FAIM2: variants seen among roughly 807,000 people sequenced by gnomAD.
FAIM2 encodes protein lifeguard 2.
FAIM2 carries 27 observed loss-of-function variants against 47.4 expected under a neutral mutation model. The ratio of observed to expected loss-of-function variants is 0.57; its 90% CI spans 0.42 to 0.78. The LOEUF (loss-of-function observed/expected upper bound fraction) is 0.78, where lower values mean the gene tolerates loss of function less well. Ranked by LOEUF, FAIM2 falls within the 30% of genes least tolerant of loss-of-function variation. The pLI, the probability that FAIM2 is intolerant of heterozygous loss-of-function variation, is 0.00. For missense variants in FAIM2, 311 were observed against 389.4 expected, an observed-to-expected ratio of 0.80 and a Z score of 1.69; for synonymous variants, 156 against 159.3, an observed-to-expected ratio of 0.98 and a Z score of 0.16.
At chr12:49,875,417 G>C (rs1429371994) in intron 11 of FAIM2, among the ~76,000 whole-genome samples, 1 of 152,164 alleles carries the variant, frequency 6.6e-6, no homozygotes, top group Non-Finnish European at 1.5e-5. Context: ...CGACTGGGCT[G>C]CAGGAGAGGG....
In FAIM2 at chr12:49,878,398, C is replaced by CA. The variant is rs1565613186; in HGVS notation, c.802-7746_802-7745insT. Among the ~76,000 whole-genome samples, 11 of 24,778 alleles carry CA rather than the reference C, an allele frequency of 4.4e-4. 3 individuals are homozygous for CA. The South Asian group carries it at 8.8e-3, about 20-fold the overall frequency. 16.3% of individuals were successfully genotyped at this position (24,778 alleles called of 152,430 possible). On this transcript the variant is annotated intron_variant, in intron 11 of 11. Transcript: ENST00000320634. ...TGTGCATGTGTGTATATGTGTGTGT[C>CA]TGTGTGCATGTGAGTGTATGTGTGT...
chr12:49,900,270 G>T, intron 2 of FAIM2: 2 of 1,233,854 alleles, frequency 1.6e-6, no homozygotes, highest in Non-Finnish European at 2.1e-6. Context: ...CAGAGGCTCT[G>T]TCTGGGGCAT....
In FAIM2 at chr12:49,890,156, T is replaced by C; in HGVS notation, c.526-2A>G. On this transcript the variant is annotated splice_acceptor_variant, in intron 7 of 11. Coordinates refer to ENST00000320634, the MANE Select transcript of FAIM2 (RefSeq NM_012306.4). LOFTEE classifies it high-confidence loss of function. Reference sequence around the variant, plus strand: ...AGTGAGGTAGGCCATGGACAGGGTCTGAAAGGAGAAGCAGGGTAAAGGAAT... The same window carrying C: ...AGTGAGGTAGGCCATGGACAGGGTCCGAAAGGAGAAGCAGGGTAAAGGAAT... 6.2e-7 allele frequency: 1 copy of C among 1,614,038 alleles called. No homozygotes were observed. The highest frequency in any genetic ancestry group is 8.5e-7 in the Non-Finnish European group (1 of 1,179,914).
In FAIM2 at chr12:49,903,693, T is replaced by G. The variant is rs1002633520; in HGVS notation, c.15+85A>C. The G allele has an allele frequency of 4.0e-6, 6 of 1,513,782 alleles. No homozygotes were observed. In the African/African-American group the frequency reaches 8.3e-5, roughly 21 times the overall value. The allele number at this position is 1,513,782 out of a possible 1,614,324, so 93.8% of individuals were successfully genotyped here. A position where few individuals can be genotyped will look rare whatever the true frequency, so the allele number is the denominator to read the frequency against. ...AAACTAGGGCCAGGGGAGGATGCTT[T>G]CGTGGTCCAGAGGGCTTGCTGAGGA... On this transcript the variant is annotated intron_variant, in intron 1 of 11. Transcript: ENST00000320634.
intron 9 of FAIM2, 128 bp downstream of exon 9, chr12:49,889,353 C>G (rs1946883430): frequency 1.9e-6 from 2 of 1,030,064 alleles, no homozygotes; most frequent in South Asian, 2.8e-5. Context: ...GGTGGCTTCC[C>G]CAAACCCAAC....
chr12:49,892,626 C>T (rs1946908256), intron 5 of FAIM2, among the ~76,000 whole-genome samples: 1 of 152,150 alleles, frequency 6.6e-6, no homozygotes, highest in South Asian at 2.1e-4. Flanking sequence ...CTACCTCCCT[C>T]ACCACTCCTC....
chr12:49,884,168 G>A (rs543668886), intron 11 of FAIM2, among the ~76,000 whole-genome samples: 53 of 151,868 alleles, frequency 3.5e-4, no homozygotes, highest in Non-Finnish European at 6.6e-4. Flanking sequence ...AGGTTGCAGT[G>A]AGTGGAAATC....
At chr12:49,886,311 G>C (rs1946860711) in intron 11 of FAIM2, among the ~76,000 whole-genome samples, 1 of 152,104 alleles carries the variant, frequency 6.6e-6, no homozygotes, top group Admixed American at 6.6e-5. Flanking sequence ...TTGCCTCCTG[G>C]GCATCTGCTT....
chr12:49,870,400 G>A lies in FAIM2; in HGVS notation c.*104C>T, dbSNP rs1946693419. On this transcript the variant is annotated 3_prime_UTR_variant, in exon 12 of 12. Coordinates refer to ENST00000320634, the MANE Select transcript of FAIM2 (RefSeq NM_012306.4). The stretch of plus-strand genomic sequence containing the variant: ...GTAGACAGTGACCTGGCCACAGGCT[G>A]GGTTGGCAGCTAGTTTTATATCTGG... 1 of 1,090,908 alleles carries A rather than the reference G, an allele frequency of 9.2e-7. No homozygotes were observed. The highest frequency in any genetic ancestry group is 1.4e-5 in the South Asian group (1 of 69,764). The allele number at this position is 1,090,908 out of a possible 1,614,324, so 67.6% of individuals were successfully genotyped here.
At chr12:49,878,586 A>T (rs545248214) in intron 11 of FAIM2, among the ~76,000 whole-genome samples, 1 of 98,450 alleles carries the variant, frequency 1.0e-5, no homozygotes, top group Admixed American at 1.2e-4. Flanking sequence ...GTATATGTAC[A>T]TGTGTATGTG....
At position 49,874,853 on chromosome 12, in the gene FAIM2, G is replaced by A. The variant is rs997893280; in HGVS notation, c.802-4200C>T. 2.4e-4 allele frequency among the ~76,000 whole-genome samples: 36 copies of A among 152,184 alleles called. No individual in the cohort carries two copies. The highest frequency in any genetic ancestry group is 8.2e-4 in the African/African-American group (34 of 41,424). On this transcript the variant is annotated intron_variant, in intron 11 of 11. Coordinates refer to ENST00000320634, the MANE Select transcript of FAIM2 (RefSeq NM_012306.4). The surrounding 1 kb of genome is among the most constrained non-coding windows in gnomAD (Gnocchi z 4.2). ...GAAACAACCCAAACTCTACCAACAC[G>A]GGGGTGGTTAAATAAACTCTGGGCA...
At chr12:49,871,664 CTTTTCT>C (rs1254735903) in intron 11 of FAIM2, among the ~76,000 whole-genome samples, 4 of 142,646 alleles carry the variant, frequency 2.8e-5, no homozygotes, top group African/African-American at 1.1e-4. Context: ...CTTTTCTTTT[CTTTTCT>C]TTTTTTTTTT....
chr12:49,887,193 C>T (rs1020187148), intron 11 of FAIM2, among the ~76,000 whole-genome samples, 193 bp downstream of exon 11: 45 of 152,120 alleles, frequency 3.0e-4, no homozygotes, highest in Admixed American at 2.3e-3. Flanking sequence ...CCAGGTCAGC[C>T]GGTCTGTCCT....
chr12:49,884,164 C>T (rs987890954), intron 11 of FAIM2, among the ~76,000 whole-genome samples: 6 of 151,618 alleles, frequency 4.0e-5, no homozygotes, highest in Admixed American at 2.0e-4. Context: ...GCAGAGGTTG[C>T]AGTGAGTGGA....
rs912558617 is a variant in FAIM2, at chr12:49,876,529, C to T, written c.802-5876G>A. ...CTGTAATCCCAGCACTTTGGGAGGC[C>T]GAGGCGGGCGGATCACCATGTCAGG... On this transcript the variant is annotated intron_variant, in intron 11 of 11. Transcript: ENST00000320634. 3.3e-5 allele frequency among the ~76,000 whole-genome samples: 5 copies of T among 152,012 alleles called. No homozygotes were observed. In the East Asian group the frequency reaches 5.8e-4, roughly 18 times the overall value.
At chr12:49,880,322 GTGTGTC>G (rs1395510142) in intron 11 of FAIM2, among the ~76,000 whole-genome samples, 3 of 109,624 alleles carry the variant, frequency 2.7e-5, no homozygotes, top group African/African-American at 1.3e-4. Flanking sequence ...GTATGTGTAT[GTGTGTC>G]TGTGTGCATG....
At chr12:49,879,452 G>A (rs544457239) in intron 11 of FAIM2, among the ~76,000 whole-genome samples, 3,091 of 150,818 alleles carry the variant, frequency 0.02, 51 homozygotes, top group Middle Eastern at 0.035. Flanking sequence ...ATATGTGTGT[G>A]CATACGTGTA....
chr12:49,881,955 AG>A (rs1946828789), intron 11 of FAIM2, among the ~76,000 whole-genome samples: 1 of 152,152 alleles, frequency 6.6e-6, no homozygotes, highest in Non-Finnish European at 1.5e-5. Context: ...ATCTCAAGAG[AG>A]GGGCTGATGT....
In FAIM2 at chr12:49,878,548, G is replaced by A. The variant is rs940452142; in HGVS notation, c.802-7895C>T. ...TGTGTATGTGCATGTGTATATGTGCGTGCATGTGTGAGTGTATATGTTCAT... is the reference window on the plus strand; with the variant it reads ...TGTGTATGTGCATGTGTATATGTGCATGCATGTGTGAGTGTATATGTTCAT... On this transcript the variant is annotated intron_variant, in intron 11 of 11. Transcript: ENST00000320634. Among the ~76,000 whole-genome samples the A allele has an allele frequency of 4.4e-4, 28 of 63,676 alleles. 6 individuals carry two copies. In the East Asian group the frequency reaches 0.012, roughly 27 times the overall value. The allele number at this position is 63,676 out of a possible 152,430, so 41.8% of individuals were successfully genotyped here.
Sources: allele counts gnomAD v4.1 joint callset (sites outside exome capture counted in the v4.1 genomes callset), GRCh38; gene constraint gnomAD v4.1.1; non-coding constraint Gnocchi (gnomAD v3.1); transcripts MANE v1.5; gene names NCBI Gene and HGNC (gene_info 2026-07-23, HGNC 2026-07-21).